DYM: variants seen among roughly 807,000 people sequenced by gnomAD.
DYM encodes dyggve-Melchior-Clausen syndrome protein.
In DYM, 78 loss-of-function variants were observed where a neutral mutation model predicts 93.1. The observed-to-expected ratio is 0.84, with a 90% CI of 0.70 to 1.01. The LOEUF is 1.01. DYM is among the 50% of genes least tolerant of loss of function. The pLI is 0.00. For missense variants in DYM, 789 were observed against 845.0 expected (o/e 0.93, Z 0.82); for synonymous variants, 321 against 319.7 (o/e 1.00, Z -0.04).
intron 14 of DYM, among the ~76,000 whole-genome samples, chr18:49,166,884 G>C (rs890602748): frequency 2.0e-5 from 3 of 151,934 alleles, no homozygotes; most frequent in Admixed American, 2.0e-4. Context: ...AGAAGAAATG[G>C]AACAAGTGAA....
chr18:49,121,887 T>C (rs952749243), intron 15 of DYM, among the ~76,000 whole-genome samples: 1 of 152,176 alleles, frequency 6.6e-6, no homozygotes, highest in Non-Finnish European at 1.5e-5. Flanking sequence ...AGATAATTTA[T>C]TACCTGCACT....
At chr18:49,420,261 G>A (rs927888858) in intron 2 of DYM, among the ~76,000 whole-genome samples, 23 of 151,120 alleles carry the variant, frequency 1.5e-4, no homozygotes, top group South Asian at 4.2e-4. Context: ...TCTGCCGCGC[G>A]GGTTCAAGTG....
chr18:49,062,287 A>G (rs1000182168), intron 17 of DYM, among the ~76,000 whole-genome samples: 1 of 152,218 alleles, frequency 6.6e-6, no homozygotes, highest in African/African-American at 2.4e-5. Flanking sequence ...AACTAAAACA[A>G]TGGCTTAGGA....
chr18:49,047,638 C>A (rs998448238), intron 17 of DYM, among the ~76,000 whole-genome samples: 8 of 152,180 alleles, frequency 5.3e-5, no homozygotes, highest in African/African-American at 1.9e-4. Flanking sequence ...TCTGGGTGTT[C>A]CCTAACTGCT....
chr18:49,167,036 G>A (rs1441622168), intron 14 of DYM, among the ~76,000 whole-genome samples: 16 of 146,078 alleles, frequency 1.1e-4, no homozygotes, highest in South Asian at 2.2e-4. Context: ...GTGTGTGTGC[G>A]CGCCTGTGTC....
chr18:49,209,969 A>T (rs1202060682), intron 13 of DYM, among the ~76,000 whole-genome samples: 1 of 152,222 alleles, frequency 6.6e-6, no homozygotes, highest in Admixed American at 6.5e-5. Context: ...GATGTTTAAC[A>T]TCATACATCA....
In DYM at chr18:49,448,939, G is replaced by C. The variant is rs1474294206; in HGVS notation, c.-54+11459C>G. On this transcript the variant is annotated intron_variant, in intron 1 of 17. Coordinates refer to ENST00000675505, the MANE Select transcript of DYM (RefSeq NM_001353214.3). ...AAGAGAATAATTCCCCAAAATGAGA[G>C]AAGCAACTTCTGGGGAAATCATCTG... is the stretch of plus-strand genomic sequence containing the variant. Among the ~76,000 whole-genome samples, 3 of 152,184 alleles carry C rather than the reference G, an allele frequency of 2.0e-5. No individual in the cohort carries two copies. In the East Asian group the frequency reaches 5.8e-4, roughly 29 times the overall value.
At chr18:49,320,090 G>C (rs1225879894) in intron 8 of DYM, among the ~76,000 whole-genome samples, 1 of 152,208 alleles carries the variant, frequency 6.6e-6, no homozygotes, top group Non-Finnish European at 1.5e-5. Flanking sequence ...ACTTTCCCAA[G>C]TATAGAGCTT....
At chr18:49,300,321 C>T (rs1011802131) in intron 8 of DYM, among the ~76,000 whole-genome samples, 9 of 151,672 alleles carry the variant, frequency 5.9e-5, no homozygotes, top group African/African-American at 2.2e-4. Context: ...CATAGTAGGC[C>T]GGGTGCCATG....
chr18:49,361,506 T>C (rs1171052721), intron 6 of DYM, among the ~76,000 whole-genome samples: 2 of 152,176 alleles, frequency 1.3e-5, no homozygotes, highest in Non-Finnish European at 1.5e-5. Flanking sequence ...CTTGTACATA[T>C]GCATTTTCAA....
chr18:49,111,335 A>G (rs990584933), intron 16 of DYM, among the ~76,000 whole-genome samples: 12 of 152,158 alleles, frequency 7.9e-5, no homozygotes, highest in African/African-American at 2.4e-4. Flanking sequence ...GATAAATCAT[A>G]ATTACAGTCC....
intron 17 of DYM, among the ~76,000 whole-genome samples, chr18:49,081,311 G>C (rs938996130): frequency 6.6e-6 from 1 of 151,334 alleles, no homozygotes; most frequent in Admixed American, 6.6e-5. Flanking sequence ...AGACCAGCCC[G>C]GCCAACACAG....
Position 49,128,582 on chromosome 18 carries a change from G to A in DYM, c.1729-9656C>T, listed in dbSNP as rs558647275. Among the ~76,000 whole-genome samples the A allele has an allele frequency of 6.6e-5, 10 of 152,204 alleles. No individual in the cohort carries two copies. In the South Asian group the frequency reaches 1.7e-3, roughly 25 times the overall value. ...CTGTGACCTTTGCTACATCACCTGA[G>A]TTACAGTTTTTATTTGCAAAAATAA... is the stretch of plus-strand genomic sequence containing the variant. On this transcript the variant is annotated intron_variant, in intron 15 of 17. Transcript: ENST00000675505.
At chr18:49,105,568 C>T (rs1245403886) in intron 16 of DYM, among the ~76,000 whole-genome samples, 1 of 152,220 alleles carries the variant, frequency 6.6e-6, no homozygotes, top group African/African-American at 2.4e-5. Flanking sequence ...TCCCTCTACA[C>T]ACTGCTTTGA....
Position 49,191,433 on chromosome 18 carries a change from G to GAA in DYM, c.1625+18116_1625+18117dup, listed in dbSNP as rs547591781. On this transcript the variant is annotated intron_variant, in intron 14 of 17. Coordinates refer to ENST00000675505, the MANE Select transcript of DYM (RefSeq NM_001353214.3). Reference sequence around the variant, plus strand: ...CCTATATCCACTATTACTTTGAGAAGAAAAAAAAATCAAACCTGTATAAAA... The same window carrying GAA: ...CCTATATCCACTATTACTTTGAGAAGAAAAAAAAAAATCAAACCTGTATAAAA... Among the ~76,000 whole-genome samples, 464 of 149,872 alleles carry GAA rather than the reference G, an allele frequency of 3.1e-3. 4 individuals are homozygous for GAA. The highest frequency in any genetic ancestry group is 0.011 in the African/African-American group (454 of 40,800).
chr18:49,067,572 G>A (rs973862771), intron 17 of DYM, among the ~76,000 whole-genome samples: 66 of 152,178 alleles, frequency 4.3e-4, no homozygotes, highest in African/African-American at 1.5e-3. Context: ...GCTGGCCCTC[G>A]TGGGAAACAA....
chr18:49,253,456 A>AT (rs1265349949), intron 13 of DYM, among the ~76,000 whole-genome samples: 2 of 152,154 alleles, frequency 1.3e-5, no homozygotes, highest in Non-Finnish European at 2.9e-5. Flanking sequence ...CAAGACAAAT[A>AT]TTTTCTCAGG....
At position 49,047,565 on chromosome 18, in the gene DYM, T is replaced by C. The variant is rs145622562; in HGVS notation, c.2026-3361A>G. ...CAGCTGACACCTAAGGCCCCCAGCT[T>C]TCTACTCCCTCCTCGTCCACTCCTG... On this transcript the variant is annotated intron_variant, in intron 17 of 17. Coordinates refer to ENST00000675505, the MANE Select transcript of DYM (RefSeq NM_001353214.3). Among the ~76,000 whole-genome samples the C allele has an allele frequency of 2.0e-5, 3 of 152,310 alleles. No individual in the cohort carries two copies. In the East Asian group the frequency reaches 5.8e-4, roughly 29 times the overall value.
chr18:49,293,683 G>A (rs1321094773), intron 8 of DYM, among the ~76,000 whole-genome samples: 2 of 151,970 alleles, frequency 1.3e-5, no homozygotes, highest in African/African-American at 2.4e-5. Context: ...TTTTTTTCTT[G>A]TAAATTTAAG....
Sources: allele counts gnomAD v4.1 joint callset (sites outside exome capture counted in the v4.1 genomes callset), GRCh38; gene constraint gnomAD v4.1.1; transcripts MANE v1.5; gene names NCBI Gene and HGNC (gene_info 2026-07-23, HGNC 2026-07-21).